The following PDE5A variants were observed in gnomAD, a reference collection of about 807,000 sequenced individuals.
PDE5A encodes cGMP-specific 3',5'-cyclic phosphodiesterase.
Under a neutral mutation model 110.2 loss-of-function variants are expected in PDE5A, and 67 were observed. That is an observed-to-expected ratio of 0.61 (90% CI 0.50 to 0.75). The LOEUF (loss-of-function observed/expected upper bound fraction) is 0.75, where lower values mean the gene tolerates loss of function less well. PDE5A is among the 30% of genes least tolerant of loss of function. PDE5A has a pLI of 0.00. For synonymous variants in PDE5A, 328 were observed against 351.2 expected, an observed-to-expected ratio of 0.93 and a Z score of 0.74; for missense variants, 862 against 1,045.1, an observed-to-expected ratio of 0.82 and a Z score of 2.42.
intron 11 of PDE5A, among the ~76,000 whole-genome samples, chr4:119,537,154 T>C (rs896887000): frequency 2.6e-5 from 4 of 152,058 alleles, no homozygotes; most frequent in African/African-American, 9.7e-5. Flanking sequence ...AAGAACATTC[T>C]GCCTCTCTTG....
At chr4:119,501,342 ACT>A in intron 19 of PDE5A, 89 bp from the exon 20 acceptor site, 1 of 791,284 alleles carries the variant, frequency 1.3e-6, no homozygotes, top group Non-Finnish European at 2.1e-6. Flanking sequence ...ATGGAGTCTC[ACT>A]CTGTTGTCCA....
chr4:119,560,408 A>T (rs200184139), intron 6 of PDE5A, 45 bp from the exon 7 acceptor site: 2 of 1,277,770 alleles, frequency 1.6e-6, no homozygotes, highest in Non-Finnish European at 2.2e-6. Context: ...TGACAAGGTA[A>T]TGAAAACTAT....
chr4:119,624,548 G>C (rs973078313), intron 1 of PDE5A, among the ~76,000 whole-genome samples: 1 of 152,150 alleles, frequency 6.6e-6, no homozygotes, highest in African/African-American at 2.4e-5. Context: ...TTTGATCCAA[G>C]CTGTCATAAA....
chr4:119,555,927 G>C (rs1727520173), intron 7 of PDE5A, among the ~76,000 whole-genome samples: 1 of 152,094 alleles, frequency 6.6e-6, no homozygotes, highest in South Asian at 2.1e-4. Context: ...AAGAAATGTT[G>C]ATAAATTTTT....
At chr4:119,586,923 T>A (rs994547997) in intron 3 of PDE5A, among the ~76,000 whole-genome samples, 1 of 152,218 alleles carries the variant, frequency 6.6e-6, no homozygotes, top group African/African-American at 2.4e-5. Flanking sequence ...AGTTTCAAGT[T>A]TTTATTCACT....
At chr4:119,527,283 A>C (rs1330736176) in intron 11 of PDE5A, 2 of 152,208 alleles carry the variant, frequency 1.3e-5, no homozygotes, top group African/African-American at 4.8e-5. Context: ...TTTTCTTTTG[A>C]TTGTTTGGTC....
At chr4:119,611,542 T>C (rs963116402) in intron 1 of PDE5A, among the ~76,000 whole-genome samples, 1 of 152,256 alleles carries the variant, frequency 6.6e-6, no homozygotes, top group Admixed American at 6.5e-5. Context: ...GACTAATTTA[T>C]GCTTGTATAC....
intron 3 of PDE5A, among the ~76,000 whole-genome samples, chr4:119,575,330 A>G (rs1728294299): frequency 1.3e-5 from 2 of 152,194 alleles, no homozygotes; most frequent in Non-Finnish European, 2.9e-5. Context: ...CAGGAAATAC[A>G]GAGAACGCCA....
rs894825604 is a variant in PDE5A at position 119,607,282 on chromosome 4, T to C, written c.168A>G (p.Ala56=). The C allele has an allele frequency of 6.2e-7, 1 of 1,609,862 alleles. No individual in the cohort carries two copies. The highest frequency in any genetic ancestry group is 8.5e-7 in the Non-Finnish European group (1 of 1,179,240). ...TGGTGTGAACTCTCTCAGCAAACCA[T>C]GCATTGACCATTTCTCTGCAGAACA... ...VRKATREMVN[A]WFAERVHTIP... is the part of the protein sequence containing the mutation. Residue 56 remains alanine (A), a synonymous_variant, in exon 2 of 21, where the codon GCA becomes GCG. Transcript: ENST00000354960.
chr4:119,531,413 C>T (rs541810443), intron 11 of PDE5A, among the ~76,000 whole-genome samples: 1 of 152,084 alleles, frequency 6.6e-6, no homozygotes, highest in East Asian at 1.9e-4. Context: ...TGAGTAGCTG[C>T]GACTACAGAT....
At chr4:119,604,765 A>C (rs1444619321) in intron 2 of PDE5A, among the ~76,000 whole-genome samples, 1 of 152,076 alleles carries the variant, frequency 6.6e-6, no homozygotes, top group Non-Finnish European at 1.5e-5. Flanking sequence ...GGTCATCTTC[A>C]ACTCCTCTTT....
Position 119,575,340 on chromosome 4 carries a change from A to T in PDE5A, c.832-8196T>A, listed in dbSNP as rs1728294732. 9.2e-5 allele frequency among the ~76,000 whole-genome samples: 14 copies of T among 152,308 alleles called. No individual in the cohort carries two copies. In the South Asian group the frequency reaches 2.9e-3, roughly 32 times the overall value. ...AAATTCAGGAAATACAGAGAACGCC[A>T]CAAAGATACTCCTCGAGAAGAGCAA... On this transcript the variant is annotated intron_variant, in intron 3 of 20. Coordinates refer to ENST00000354960, the MANE Select transcript of PDE5A (RefSeq NM_001083.4).
chr4:119,574,886 G>C (rs1167589310), intron 3 of PDE5A, among the ~76,000 whole-genome samples: 1 of 152,114 alleles, frequency 6.6e-6, no homozygotes, highest in African/African-American at 2.4e-5. Flanking sequence ...GACTGATTAG[G>C]GAATTAGTTA....
intron 3 of PDE5A, among the ~76,000 whole-genome samples, chr4:119,581,308 C>G (rs1031373521): frequency 2.6e-5 from 4 of 152,302 alleles, no homozygotes; most frequent in Non-Finnish European, 5.9e-5. Context: ...GCCTTCTTTA[C>G]TAGAGCTGAA....
intron 3 of PDE5A, among the ~76,000 whole-genome samples, chr4:119,577,929 T>TTG (rs1432933526): frequency 6.6e-6 from 1 of 152,188 alleles, no homozygotes; most frequent in Admixed American, 6.5e-5. Context: ...ATTATGTATC[T>TTG]AGAAAACCCC....
chr4:119,518,664 G>A (rs908408058), intron 14 of PDE5A, among the ~76,000 whole-genome samples: 2 of 152,180 alleles, frequency 1.3e-5, no homozygotes, highest in African/African-American at 4.8e-5. Context: ...TCCTTCTACT[G>A]AGCACTTAAT....
intron 11 of PDE5A, among the ~76,000 whole-genome samples, chr4:119,533,782 T>A (rs1726628190): frequency 6.6e-6 from 1 of 152,192 alleles, no homozygotes; most frequent in Admixed American, 6.6e-5. Context: ...ATGTTAAGAT[T>A]CTGATATAAT....
rs201512063 is a variant in PDE5A, at chr4:119,525,795, C to CT, written c.1633-101dup. 1,858 of 1,139,672 alleles carry CT rather than the reference C, an allele frequency of 1.6e-3. 23 individuals are homozygous for CT. In the African/African-American group the frequency reaches 0.025, roughly 15 times the overall value. The allele number at this position is 1,139,672 out of a possible 1,614,324, so 70.6% of individuals were successfully genotyped here. ...GCTGCAGAGAAATAGCATATTGTGG[C>CT]TTTTTTTTCCTTTTTAATGAAAGAC... On this transcript the variant is annotated intron_variant, in intron 11 of 20. Coordinates refer to ENST00000354960, the MANE Select transcript of PDE5A (RefSeq NM_001083.4). The surrounding 1 kb of genome is among the most constrained non-coding windows in gnomAD (Gnocchi z 4.3).
At chr4:119,583,139 A>G (rs1211669588) in intron 3 of PDE5A, among the ~76,000 whole-genome samples, 1 of 152,192 alleles carries the variant, frequency 6.6e-6, no homozygotes, top group Non-Finnish European at 1.5e-5. Flanking sequence ...CTACATTGAC[A>G]ATCTGTTGTT....
Sources: gnomAD v4.1 joint callset for allele counts (sites outside exome capture counted in the v4.1 genomes callset) on GRCh38, gnomAD v4.1.1 for gene constraint, Gnocchi (gnomAD v3.1) non-coding constraint, MANE v1.5 for transcripts, NCBI Gene and HGNC (gene_info 2026-07-23, HGNC 2026-07-21) for gene names.